Variants in RELN observed in about 807,000 individuals in gnomAD.
RELN encodes reelin.
RELN carries 108 observed loss-of-function variants against 427.6 expected under a neutral mutation model. That is an observed-to-expected ratio of 0.25 (90% CI 0.22 to 0.30). The LOEUF is 0.30. RELN is among the 10% of genes least tolerant of loss of function. RELN has a pLI of 1.00. For synonymous variants in RELN, 1,524 were observed against 1,513.4 expected, an observed-to-expected ratio of 1.01 and a Z score of -0.16; for missense variants, 3,715 against 4,302.8, an observed-to-expected ratio of 0.86 and a Z score of 3.82.
At position 103,659,743 on chromosome 7, in the gene RELN, CA is replaced by C. The variant is rs1317377419; in HGVS notation, c.1441+1632del. ...TGGGAACTCAGATTAATTTTTATATCAATAACAACAGAGATATACTGAGTCT... is the reference window on the plus strand; with the variant it reads ...TGGGAACTCAGATTAATTTTTATATCATAACAACAGAGATATACTGAGTCT... On this transcript the variant is annotated intron_variant, in intron 12 of 64. Transcript: ENST00000428762. Among the ~76,000 whole-genome samples the C allele has an allele frequency of 3.3e-5, 5 of 152,214 alleles. No individual in the cohort carries two copies. In the East Asian group the frequency reaches 9.7e-4, roughly 29 times the overall value.
At chr7:103,835,691 C>T (rs1173014048) in intron 2 of RELN, among the ~76,000 whole-genome samples, 1 of 152,146 alleles carries the variant, frequency 6.6e-6, no homozygotes, top group African/African-American at 2.4e-5. Context: ...CTCTCATTTA[C>T]TGGCTTTGTG....
intron 24 of RELN, 21 bp from the exon 25 acceptor site, chr7:103,596,682 T>C (rs1274513267): frequency 6.2e-6 from 10 of 1,605,636 alleles, no homozygotes; most frequent in African/African-American, 1.3e-5. Context: ...AGAAGAAAAA[T>C]CAAATTCAGT....
intron 2 of RELN, among the ~76,000 whole-genome samples, chr7:103,911,240 A>C (rs36200754): frequency 1.4e-5 from 2 of 146,224 alleles, no homozygotes; most frequent in African/African-American, 2.6e-5. Context: ...GCAGCCAAAA[A>C]ACACATGAAA....
chr7:103,607,622 A>G (rs192762168), intron 22 of RELN, among the ~76,000 whole-genome samples: 41 of 152,344 alleles, frequency 2.7e-4, no homozygotes, highest in African/African-American at 9.6e-4. Context: ...CCCCAAAGCA[A>G]CAAAACTTGA....
At chr7:103,770,270 G>C (rs1206632438) in intron 4 of RELN, among the ~76,000 whole-genome samples, 1 of 152,104 alleles carries the variant, frequency 6.6e-6, no homozygotes, top group African/African-American at 2.4e-5. Flanking sequence ...ATTTTTAGTA[G>C]AGATGGGGTT....
chr7:103,632,152 C>T (rs1377809381), intron 19 of RELN, among the ~76,000 whole-genome samples: 1 of 152,152 alleles, frequency 6.6e-6, no homozygotes, highest in Non-Finnish European at 1.5e-5. Context: ...GACTACGGGT[C>T]TGTAATCAGA....
intron 3 of RELN, among the ~76,000 whole-genome samples, chr7:103,831,408 A>G (rs1182877469): frequency 6.6e-6 from 1 of 152,040 alleles, no homozygotes; most frequent in Non-Finnish European, 1.5e-5. Context: ...TCAAAAAGAA[A>G]TAAGAATTTG....
intron 11 of RELN, among the ~76,000 whole-genome samples, chr7:103,670,918 T>G (rs185464773): frequency 2.6e-4 from 40 of 152,228 alleles, no homozygotes; most frequent in Admixed American, 2.2e-3. Context: ...ACACCTAAAG[T>G]TGGCAACTTT....
intron 2 of RELN, among the ~76,000 whole-genome samples, chr7:103,865,790 T>C (rs1584311519): frequency 6.6e-6 from 1 of 152,146 alleles, no homozygotes; most frequent in Non-Finnish European, 1.5e-5. Flanking sequence ...ATAACTAACA[T>C]CATACTCAAT....
chr7:103,935,647 C>G (rs923084395), intron 1 of RELN, among the ~76,000 whole-genome samples: 1 of 152,140 alleles, frequency 6.6e-6, no homozygotes, highest in African/African-American at 2.4e-5. Flanking sequence ...CCTGTAAGAC[C>G]AGTAAGACTA....
intron 20 of RELN, among the ~76,000 whole-genome samples, chr7:103,615,493 T>G (rs1758517980): frequency 6.6e-6 from 1 of 152,166 alleles, no homozygotes; most frequent in Admixed American, 6.5e-5. Context: ...CTCAGAACCT[T>G]GCCTACAACT....
rs531227714 is a variant in RELN, at chr7:103,771,988, AC to A, written c.544+4568del. Among the ~76,000 whole-genome samples, 33 of 151,950 alleles carry A rather than the reference AC, an allele frequency of 2.2e-4. 1 individual carries two copies. The South Asian group carries it at 6.5e-3, about 30-fold the overall frequency. ...TCTATCACTCTCCTGCTTCCTTCCC[AC>A]CGCCTGCAGAATGCGTAAGTCCCTG... On this transcript the variant is annotated intron_variant, in intron 4 of 64. Transcript: ENST00000428762.
chr7:103,495,773 G>A lies in RELN; in HGVS notation c.9319C>T (p.Leu3107Phe). 1 of 1,614,022 alleles carries A rather than the reference G, an allele frequency of 6.2e-7. No homozygotes were observed. The highest frequency in any genetic ancestry group is 8.5e-7 in the Non-Finnish European group (1 of 1,179,984). Residue 3107 changes from leucine (L) to phenylalanine (F), a missense_variant, in exon 57 of 65, where the codon CTC becomes TTC. Transcript: ENST00000428762. ...TGTATAATGAGTTCTCGGGAGGAGAGAGCATTGTGAGTCTTGTCCTTCTTT... is the reference window on the plus strand; with the variant it reads ...TGTATAATGAGTTCTCGGGAGGAGAAAGCATTGTGAGTCTTGTCCTTCTTT... ...NKKKDKTHNA[L>F]SSRELIIQPG...
chr7:103,915,531 C>T (rs1427663544), intron 2 of RELN, among the ~76,000 whole-genome samples: 3 of 152,056 alleles, frequency 2.0e-5, no homozygotes, highest in Non-Finnish European at 4.4e-5. Context: ...TTGAAGTCTA[C>T]AATTCTGCAG....
At chr7:103,691,263 T>C (rs1833865325) in intron 10 of RELN, among the ~76,000 whole-genome samples, 1 of 152,136 alleles carries the variant, frequency 6.6e-6, no homozygotes, top group Admixed American at 6.6e-5. Context: ...AACTATTTGG[T>C]CTTATATCAT....
At chr7:103,607,360 T>G (rs1381940457) in intron 22 of RELN, among the ~76,000 whole-genome samples, 2 of 152,208 alleles carry the variant, frequency 1.3e-5, no homozygotes, top group African/African-American at 4.8e-5. Flanking sequence ...AAATTAGTTG[T>G]GTGAGCAATC....
rs778861276 is a variant in RELN at position 103,510,944 on chromosome 7, A to C, written c.8181T>G (p.Asp2727Glu). The change falls in exon 51 of 65, where the codon GAT (aspartate) becomes GAG (glutamate). Residue 2727 changes from aspartate (D) to glutamate (E), a missense_variant. Around this residue, in one of 4 missense-constraint regions of RELN, gnomAD observed 1,310 missense variants for 1,643.0 expected, o/e 0.80. Transcript: ENST00000428762. The stretch of plus-strand genomic sequence containing the variant: ...CATGACTGCCACAGAGCATCACACC[A>C]TCAGGGGAGTCACAGAATCTTTCTA... The part of the protein sequence containing the change: ...CTVERFCDSP[D>E]GVMLCGSHDG... 7 of 1,612,644 alleles carry C rather than the reference A, an allele frequency of 4.3e-6. No individual in the cohort carries two copies. The Admixed American group carries it at 1.2e-4, about 27-fold the overall frequency.
chr7:103,500,379 T>C (rs1828985386), intron 53 of RELN, among the ~76,000 whole-genome samples: 1 of 152,002 alleles, frequency 6.6e-6, no homozygotes, highest in Non-Finnish European at 1.5e-5. Flanking sequence ...TTGCTTTATT[T>C]CATAACAATA....
chr7:103,923,036 G>A (rs901051798), intron 1 of RELN, among the ~76,000 whole-genome samples: 1 of 151,688 alleles, frequency 6.6e-6, no homozygotes, highest in South Asian at 2.1e-4. Context: ...TCCATTTCTT[G>A]ATTTTGTATA....
Sources: allele counts gnomAD v4.1 joint callset (sites outside exome capture counted in the v4.1 genomes callset), GRCh38; gene constraint gnomAD v4.1.1; regional missense constraint gnomAD v4.1.1; transcripts MANE v1.5; gene names NCBI Gene and HGNC (gene_info 2026-07-23, HGNC 2026-07-21).